The following GABRG2 variants were observed in gnomAD, a reference collection of about 807,000 sequenced individuals.
GABRG2 encodes gamma-aminobutyric acid type A receptor subunit gamma2.
GABRG2 carries 16 observed loss-of-function variants against 56.4 expected under a neutral mutation model. The observed-to-expected ratio is 0.28, with a 90% CI of 0.19 to 0.43. GABRG2 has a LOEUF of 0.43. Among genes scored for constraint, GABRG2 ranks in the 20% least tolerant of loss-of-function variants. The pLI, the probability that GABRG2 is intolerant of heterozygous loss-of-function variation, is 1.00. For missense variants in GABRG2, 327 were observed against 582.7 expected (o/e 0.56, Z 4.52); for synonymous variants, 208 against 205.5 (o/e 1.01, Z -0.10).
rs568359228 is a variant in GABRG2, at chr5:162,094,131, C to T, written c.259+152C>T. The T allele has an allele frequency of 1.5e-5, 12 of 779,406 alleles. No individual in the cohort carries two copies. In the South Asian group the frequency reaches 1.7e-4, roughly 11 times the overall value. 48.3% of individuals were successfully genotyped at this position (779,406 alleles called of 1,614,324 possible). A position where few individuals can be genotyped will look rare whatever the true frequency, so the allele number is the denominator to read the frequency against. ...AAGTAGTGTTTAAATAGCATTCAGG[C>T]CTATGAGTGGGAGAGGTGTCAATAC... On this transcript the variant is annotated intron_variant, in intron 2 of 9. Transcript: ENST00000639213.
intron 7 of GABRG2, among the ~76,000 whole-genome samples, chr5:162,143,181 A>G (rs1581441683): frequency 6.6e-6 from 1 of 152,188 alleles, no homozygotes; most frequent in East Asian, 1.9e-4. Context: ...CAACATGGAA[A>G]CAAAAGTCAG....
At chr5:162,076,239 C>CT (rs1561635359) in intron 1 of GABRG2, among the ~76,000 whole-genome samples, 2 of 152,032 alleles carry the variant, frequency 1.3e-5, no homozygotes, top group Non-Finnish European at 2.9e-5. Context: ...AGTTAGTGAC[C>CT]TTTACATGGT....
At chr5:162,114,994 G>T (rs1178108271) in intron 6 of GABRG2, among the ~76,000 whole-genome samples, 1 of 152,148 alleles carries the variant, frequency 6.6e-6, no homozygotes, top group African/African-American at 2.4e-5. Flanking sequence ...CACATTAGCA[G>T]TCTTGCATTG....
At chr5:162,120,671 C>T (rs1223864166) in intron 6 of GABRG2, among the ~76,000 whole-genome samples, 1 of 152,106 alleles carries the variant, frequency 6.6e-6, no homozygotes, top group East Asian at 1.9e-4. Flanking sequence ...CCACAGTTTA[C>T]ATGCCTATAA....
At chr5:162,079,887 C>A (rs1184289612) in intron 1 of GABRG2, among the ~76,000 whole-genome samples, 1 of 152,136 alleles carries the variant, frequency 6.6e-6, no homozygotes, top group Non-Finnish European at 1.5e-5. Flanking sequence ...TCAAGCAATT[C>A]TCCCACCTCA....
At chr5:162,111,442 G>A (rs1360199870) in intron 6 of GABRG2, among the ~76,000 whole-genome samples, 1 of 152,080 alleles carries the variant, frequency 6.6e-6, no homozygotes, top group Non-Finnish European at 1.5e-5. Flanking sequence ...ATGGCATAGA[G>A]AAGTTCTGTG....
chr5:162,111,700 A>C (rs1355800487), intron 6 of GABRG2, among the ~76,000 whole-genome samples: 1 of 152,174 alleles, frequency 6.6e-6, no homozygotes, highest in Non-Finnish European at 1.5e-5. Context: ...AGATGAGGAA[A>C]CTAAGGTTTA....
intron 1 of GABRG2, among the ~76,000 whole-genome samples, chr5:162,091,285 TATA>T (rs1308196377): frequency 2.6e-5 from 4 of 151,754 alleles, no homozygotes; most frequent in Non-Finnish European, 5.9e-5. Flanking sequence ...AAATGATTAA[TATA>T]ATATTTATAA....
intron 1 of GABRG2, among the ~76,000 whole-genome samples, chr5:162,071,439 T>C (rs1446500891): frequency 6.6e-6 from 1 of 151,794 alleles, no homozygotes; most frequent in Non-Finnish European, 1.5e-5. Context: ...AGAAATAAAA[T>C]GGACTGAATT....
intron 1 of GABRG2, among the ~76,000 whole-genome samples, chr5:162,087,447 T>C (rs1023935860): frequency 6.6e-6 from 1 of 152,014 alleles, no homozygotes. Context: ...CAGGAGGCTT[T>C]TGGGGGGCTT....
intron 2 of GABRG2, chr5:162,094,476 C>A (rs1407038760): frequency 3.6e-5 from 6 of 164,968 alleles, no homozygotes. Context: ...TTACGTGTTC[C>A]TCGTTCTACT....
At chr5:162,081,510 A>G (rs1759666250) in intron 1 of GABRG2, among the ~76,000 whole-genome samples, 1 of 151,972 alleles carries the variant, frequency 6.6e-6, no homozygotes, top group South Asian at 2.1e-4. Context: ...AACAACTACA[A>G]AATCCTTTAC....
At chr5:162,088,470 A>C (rs1047615778) in intron 1 of GABRG2, among the ~76,000 whole-genome samples, 11 of 152,262 alleles carry the variant, frequency 7.2e-5, no homozygotes, top group Non-Finnish European at 1.2e-4. Flanking sequence ...GTTAAATTGC[A>C]AGCTTTCCTT....
intron 6 of GABRG2, among the ~76,000 whole-genome samples, chr5:162,119,141 T>C (rs1437325720): frequency 3.3e-5 from 5 of 152,114 alleles, no homozygotes; most frequent in Admixed American, 1.3e-4. Context: ...CACAGAGATA[T>C]AGAGAAATAT....
chr5:162,074,026 T>C (rs1372782261), intron 1 of GABRG2, among the ~76,000 whole-genome samples: 8 of 151,988 alleles, frequency 5.3e-5, no homozygotes, highest in African/African-American at 1.9e-4. Flanking sequence ...ATACTTTGGT[T>C]GTTTAGAGAT....
chr5:162,096,241 G>C (rs1760986926), intron 3 of GABRG2, among the ~76,000 whole-genome samples: 1 of 151,946 alleles, frequency 6.6e-6, no homozygotes, highest in Non-Finnish European at 1.5e-5. Flanking sequence ...TAATAAGTTT[G>C]CTTGTTTAGT....
At chr5:162,120,481 T>C (rs983775768) in intron 6 of GABRG2, among the ~76,000 whole-genome samples, 4 of 152,080 alleles carry the variant, frequency 2.6e-5, no homozygotes, top group Non-Finnish European at 4.4e-5. Context: ...ACAGTGGAGA[T>C]ATTAGAGAGT....
intron 6 of GABRG2, among the ~76,000 whole-genome samples, chr5:162,121,980 A>C (rs974676075): frequency 6.6e-6 from 1 of 152,092 alleles, no homozygotes; most frequent in Non-Finnish European, 1.5e-5. Context: ...TAAATAAATC[A>C]GTGCTGTCAT....
At chr5:162,095,658 T>G (rs1049043378) in intron 3 of GABRG2, 96 bp downstream of exon 3, 24 of 845,682 alleles carry the variant, frequency 2.8e-5, no homozygotes, top group Non-Finnish European at 3.4e-5. Flanking sequence ...CAGCAAAAAA[T>G]TTAAGTTTAA....
Sources: allele counts gnomAD v4.1 joint callset (sites outside exome capture counted in the v4.1 genomes callset), GRCh38; gene constraint gnomAD v4.1.1; transcripts MANE v1.5; gene names NCBI Gene and HGNC (gene_info 2026-07-23, HGNC 2026-07-21).